SLC43A1: variants seen among roughly 807,000 people sequenced by gnomAD.
SLC43A1 encodes the protein large neutral amino acids transporter small subunit 3.
A neutral mutation model predicts 59.5 loss-of-function variants in SLC43A1; 31 were observed. The ratio of observed to expected loss-of-function variants is 0.52; its 90% CI spans 0.39 to 0.70. The LOEUF (loss-of-function observed/expected upper bound fraction) is 0.70, where lower values mean the gene tolerates loss of function less well. Among genes scored for constraint, SLC43A1 ranks in the 30% least tolerant of loss-of-function variants. The probability of loss-of-function intolerance (pLI) is 0.00; values close to 1 mark genes in which losing one functional copy is unlikely to be tolerated. For synonymous variants in SLC43A1, 259 were observed against 290.9 expected (o/e 0.89, Z 1.12); for missense variants, 598 against 717.8 (o/e 0.83, Z 1.91).
chr11:57,498,525 G>A (rs1427936894), intron 5 of SLC43A1, among the ~76,000 whole-genome samples: 1 of 152,188 alleles, frequency 6.6e-6, no homozygotes, highest in Non-Finnish European at 1.5e-5. Flanking sequence ...GACCCAGGGA[G>A]GAAAAGTGTA....
intron 2 of SLC43A1, among the ~76,000 whole-genome samples, chr11:57,504,981 T>C (rs1944359736): frequency 6.6e-6 from 1 of 152,228 alleles, no homozygotes; most frequent in Admixed American, 6.5e-5. Flanking sequence ...CTTAGAGCTG[T>C]GTCCATGTTA....
At chr11:57,508,731 C>T (rs1379471524) in intron 2 of SLC43A1, among the ~76,000 whole-genome samples, 1 of 152,012 alleles carries the variant, frequency 6.6e-6, no homozygotes, top group Non-Finnish European at 1.5e-5. Context: ...AAGTTCAAGG[C>T]TGCAGCAATG....
intron 8 of SLC43A1, among the ~76,000 whole-genome samples, chr11:57,493,128 A>C (rs966494031): frequency 2.6e-5 from 4 of 152,192 alleles, no homozygotes; most frequent in African/African-American, 7.2e-5. Flanking sequence ...ATTTAATAAA[A>C]TCTTACAACA....
Position 57,500,828 on chromosome 11 carries a change from A to T in SLC43A1, c.416T>A (p.Leu139Gln). 3 of 1,613,980 alleles carry T rather than the reference A, an allele frequency of 1.9e-6. No homozygotes were observed. The highest frequency in any genetic ancestry group is 2.5e-6 in the Non-Finnish European group (3 of 1,179,836). ...EALSPLIFLA[L>Q]SLNGFGGICL... ...GATGCCACCAAAGCCATTCAGGGACAGCGCCAGGAATATCAACGGAGACAG... is the reference window on the plus strand; with the variant it reads ...GATGCCACCAAAGCCATTCAGGGACTGCGCCAGGAATATCAACGGAGACAG... Residue 139 changes from leucine to glutamine, a missense_variant, in exon 5 of 15, where the codon CTG becomes CAG. Transcript: ENST00000278426.
At chr11:57,486,626 C>A (rs1590741691) in intron 14 of SLC43A1, among the ~76,000 whole-genome samples, 1 of 149,896 alleles carries the variant, frequency 6.7e-6, no homozygotes, top group African/African-American at 2.5e-5. Context: ...GGTGAAACCC[C>A]GTCTCTACTA....
intron 6 of SLC43A1, among the ~76,000 whole-genome samples, chr11:57,497,071 C>G (rs1006560408): frequency 3.9e-5 from 6 of 152,186 alleles, no homozygotes; most frequent in Admixed American, 6.5e-5. Context: ...GATGGCCCCC[C>G]CACCCATGCG....
chr11:57,514,990 G>A lies in SLC43A1; in HGVS notation c.-14+454C>T. ...GCCGCGGCCGCTGCAGCCTCGGCGG[G>A]AGGAGAGGGAACGCGGGCGGCGCGG... On this transcript the variant is annotated intron_variant, in intron 1 of 14. Transcript: ENST00000278426. The surrounding 1 kb of genome is among the most constrained non-coding windows in gnomAD (Gnocchi z 5.5). 5.1e-6 allele frequency: 5 copies of A among 981,396 alleles called. No individual in the cohort carries two copies. The highest frequency in any genetic ancestry group is 6.1e-6 in the Non-Finnish European group (5 of 826,298). The allele number at this position is 981,396 out of a possible 1,614,324, so 60.8% of individuals were successfully genotyped here. A position where few individuals can be genotyped will look rare whatever the true frequency, so the allele number is the denominator to read the frequency against.
intron 2 of SLC43A1, among the ~76,000 whole-genome samples, chr11:57,508,592 T>A (rs1280586215): frequency 6.6e-6 from 1 of 152,144 alleles, no homozygotes; most frequent in Non-Finnish European, 1.5e-5. Context: ...GAGATAGGCA[T>A]GTTGTACCCT....
At chr11:57,491,978 C>A in intron 8 of SLC43A1, 116 bp from the exon 9 acceptor site, 1 of 1,005,782 alleles carries the variant, frequency 9.9e-7, no homozygotes, top group East Asian at 2.6e-5. Flanking sequence ...TGGAGAGAGA[C>A]TGGTTTCTTC....
rs1462594452 is a variant in SLC43A1 at position 57,497,763 on chromosome 11, G to A, written c.548C>T (p.Pro183Leu). 1.2e-6 allele frequency: 2 copies of A among 1,613,020 alleles called. No individual in the cohort carries two copies. The highest frequency in any genetic ancestry group is 1.7e-6 in the Non-Finnish European group (2 of 1,179,374). The change falls in exon 6 of 15, where the codon CCA (proline) becomes CTA (leucine). Residue 183 changes from proline to leucine, a missense_variant. Transcript: ENST00000278426. ...GSYASSAITF[P>L]GIKLIYDAGV... Reference sequence around the variant, plus strand: ...CAGGTGGCCTCATACCTTGATTCCTGGGAACGTAATGGCAGAAGAGGCGTA... The same window carrying A: ...CAGGTGGCCTCATACCTTGATTCCTAGGAACGTAATGGCAGAAGAGGCGTA...
In SLC43A1 at chr11:57,514,964, C is replaced by A. The variant is rs1590790318; in HGVS notation, c.-14+480G>T. On this transcript the variant is annotated intron_variant, in intron 1 of 14. Coordinates refer to ENST00000278426, the MANE Select transcript of SLC43A1 (RefSeq NM_003627.6). The surrounding 1 kb of genome is among the most constrained non-coding windows in gnomAD (Gnocchi z 5.5). ...GGAGGGAAAGAGCCCCAGCTCCCCC[C>A]GCCGCGGCCGCTGCAGCCTCGGCGG... 1.0e-6 allele frequency: 1 copy of A among 974,378 alleles called. No homozygotes were observed. 60.4% of individuals were successfully genotyped at this position (974,378 alleles called of 1,614,324 possible).
chr11:57,513,855 C>T, intron 2 of SLC43A1, 103 bp downstream of exon 2: 1 of 899,862 alleles, frequency 1.1e-6, no homozygotes, highest in Non-Finnish European at 1.8e-6. Context: ...TGTCCAACTG[C>T]TGACCCTGCT....
Position 57,514,112 on chromosome 11 carries a change from G to A in SLC43A1, c.-1C>T. ...ACGCCTGTTGCAGCGTGGGGGCCAT[G>A]CTGGCCCCGAGCCTGCACAGAAACA... On this transcript the variant is annotated 5_prime_UTR_variant, in exon 2 of 15. Transcript: ENST00000278426. The surrounding 1 kb of genome is among the most constrained non-coding windows in gnomAD (Gnocchi z 5.5). 1 of 1,583,960 alleles carries A rather than the reference G, an allele frequency of 6.3e-7. No individual in the cohort carries two copies. Among genetic ancestry groups the A allele is most frequent in the Non-Finnish European group, 8.6e-7 (1 of 1,166,358 alleles).
At chr11:57,492,516 TATA>T (rs1367230097) in intron 8 of SLC43A1, among the ~76,000 whole-genome samples, 5 of 121,030 alleles carry the variant, frequency 4.1e-5, no homozygotes, top group Non-Finnish European at 8.2e-5. Context: ...TATATAATAA[TATA>T]ATATATATAA....
intron 14 of SLC43A1, among the ~76,000 whole-genome samples, 154 bp from the exon 15 acceptor site, chr11:57,485,396 T>C (rs1451227159): frequency 2.0e-5 from 3 of 152,224 alleles, no homozygotes; most frequent in Non-Finnish European, 4.4e-5. Context: ...CACCAGTATC[T>C]CACTTAATGT....
intron 11 of SLC43A1, 125 bp from the exon 12 acceptor site, chr11:57,489,517 T>C (rs1486707456): frequency 8.1e-7 from 1 of 1,230,520 alleles, no homozygotes; most frequent in Non-Finnish European, 1.1e-6. Context: ...CAGAAATCCA[T>C]GTTTCTATGG....
At chr11:57,509,952 CTT>C (rs1480356607) in intron 2 of SLC43A1, among the ~76,000 whole-genome samples, 3 of 152,050 alleles carry the variant, frequency 2.0e-5, no homozygotes, top group South Asian at 4.1e-4. Flanking sequence ...ATGTAGGAGA[CTT>C]ATATCTAGAA....
chr11:57,510,454 T>C (rs1944508858), intron 2 of SLC43A1, among the ~76,000 whole-genome samples: 1 of 74,762 alleles, frequency 1.3e-5, no homozygotes, highest in Admixed American at 2.0e-4. Context: ...TGAGACTCCA[T>C]CTCAAAAAAA....
At position 57,495,397 on chromosome 11, in the gene SLC43A1, G is replaced by A. The variant is rs1169683965; in HGVS notation, c.692+634C>T. 2.0e-5 allele frequency among the ~76,000 whole-genome samples: 3 copies of A among 152,072 alleles called. No homozygotes were observed. The East Asian group carries it at 5.8e-4, about 30-fold the overall frequency. ...CCCAGCTATTCAGGAGGCAGAGGTT[G>A]CAGTTCACTGAAATCATGCCACTGC... On this transcript the variant is annotated intron_variant, in intron 7 of 14. Transcript: ENST00000278426.
Sources: gnomAD v4.1 joint callset for allele counts (sites outside exome capture counted in the v4.1 genomes callset) on GRCh38, gnomAD v4.1.1 for gene constraint, Gnocchi (gnomAD v3.1) non-coding constraint, MANE v1.5 for transcripts, NCBI Gene and HGNC (gene_info 2026-07-23, HGNC 2026-07-21) for gene names.